CHN2: variants seen among roughly 807,000 people sequenced by gnomAD.
CHN2 encodes beta-chimaerin.
A neutral mutation model predicts 56.3 loss-of-function variants in CHN2; 35 were observed. The ratio of observed to expected loss-of-function variants is 0.62; its 90% CI spans 0.47 to 0.82. The LOEUF (loss-of-function observed/expected upper bound fraction) is 0.82, where lower values mean the gene tolerates loss of function less well. Ranked by LOEUF, CHN2 falls within the 40% of genes least tolerant of loss-of-function variation. CHN2 has a pLI of 0.00. For synonymous variants in CHN2, 210 were observed against 212.8 expected, an observed-to-expected ratio of 0.99 and a Z score of 0.12; for missense variants, 491 against 580.5, an observed-to-expected ratio of 0.85 and a Z score of 1.58.
At chr7:29,474,102 T>C (rs998503146) in intron 6 of CHN2, among the ~76,000 whole-genome samples, 5 of 152,232 alleles carry the variant, frequency 3.3e-5, no homozygotes, top group African/African-American at 9.6e-5. Context: ...TTTCTTCTGA[T>C]ATTTTCTGTG....
At position 29,461,856 on chromosome 7, in the gene CHN2, ATGG is replaced by A. The variant is rs1230689310; in HGVS notation, c.577-18422_577-18420del. Among the ~76,000 whole-genome samples, 1,298 of 152,114 alleles carry A rather than the reference ATGG, an allele frequency of 8.5e-3. 20 individuals are homozygous for A. The highest frequency in any genetic ancestry group is 0.03 in the African/African-American group (1,231 of 41,496). On this transcript the variant is annotated intron_variant, in intron 6 of 12. Transcript: ENST00000222792. Reference sequence around the variant, plus strand: ...GATGGATGGATGGATGGATGGATGGATGGATGGATGGATGGAAGGAAGAGAGAG... The same window carrying A: ...GATGGATGGATGGATGGATGGATGGAATGGATGGATGGAAGGAAGAGAGAG...
intron 1 of CHN2, among the ~76,000 whole-genome samples, chr7:29,317,468 C>CT (rs5883204): frequency 0.056 from 8,572 of 152,110 alleles, 327 homozygotes; most frequent in East Asian, 0.2. Flanking sequence ...ATCCTGGGGA[C>CT]TTAATAGAGA....
chr7:29,290,514 A>T (rs1258831251), intron 1 of CHN2, among the ~76,000 whole-genome samples: 4 of 152,200 alleles, frequency 2.6e-5, no homozygotes, highest in African/African-American at 9.7e-5. Context: ...ACACAGCCAC[A>T]TATCTAGAAA....
intron 4 of CHN2, among the ~76,000 whole-genome samples, chr7:29,396,039 A>G (rs1300533707): frequency 6.6e-6 from 1 of 152,202 alleles, no homozygotes; most frequent in Non-Finnish European, 1.5e-5. Context: ...TTATGTATCA[A>G]AATATCACAT....
intron 7 of CHN2, among the ~76,000 whole-genome samples, chr7:29,485,301 T>C (rs886464399): frequency 2.9e-4 from 43 of 146,136 alleles, no homozygotes; most frequent in African/African-American, 9.8e-4. Context: ...TATGAGGTTC[T>C]TGTTAAAAAA....
At chr7:29,190,048 G>A (rs544622380), upstream of CHN2, among the ~76,000 whole-genome samples, 8 of 152,366 alleles carry the variant, frequency 5.3e-5, no homozygotes, top group South Asian at 1.2e-3. Context: ...ATCCTGGGCC[G>A]TCTGTGCACC....
chr7:29,355,550 G>A (rs1022936890), intron 2 of CHN2, among the ~76,000 whole-genome samples: 1 of 151,906 alleles, frequency 6.6e-6, no homozygotes, highest in Non-Finnish European at 1.5e-5. Flanking sequence ...CTTGACTCAG[G>A]AACTCCCCAG....
chr7:29,345,223 C>T lies in CHN2; in HGVS notation c.50-9402C>T, dbSNP rs563490896. ...GCTTTTTCTAATTCACAAAAAGTAC[C>T]CAACAGGCTAAGGCTGACCCACACA... On this transcript the variant is annotated intron_variant, in intron 1 of 12. Transcript: ENST00000222792. Among the ~76,000 whole-genome samples the T allele has an allele frequency of 4.3e-4, 66 of 152,272 alleles. No homozygotes were observed. The South Asian group carries it at 7.0e-3, about 16-fold the overall frequency.
chr7:29,277,914 A>G (rs1423878763), intron 1 of CHN2, among the ~76,000 whole-genome samples: 1 of 152,148 alleles, frequency 6.6e-6, no homozygotes, highest in Non-Finnish European at 1.5e-5. Flanking sequence ...CAGCCCCTCA[A>G]TGACCTTGTA....
At chr7:29,414,581 A>G (rs1277160458) in intron 6 of CHN2, among the ~76,000 whole-genome samples, 2 of 152,140 alleles carry the variant, frequency 1.3e-5, no homozygotes, top group Non-Finnish European at 2.9e-5. Context: ...AGCCTCTTCA[A>G]GAGCTCCTGG....
At chr7:29,240,782 TTTCTTCTTCTTCTTCCTC>T (rs1332750576) in intron 1 of CHN2, among the ~76,000 whole-genome samples, 2 of 148,822 alleles carry the variant, frequency 1.3e-5, no homozygotes, top group Non-Finnish European at 3.0e-5. Flanking sequence ...TCTTCTTCTT[TTTCTTCTTCTTCTTCCTC>T]TTCTTCTTCT....
chr7:29,222,887 C>A (rs1785913976), intron 1 of CHN2, among the ~76,000 whole-genome samples: 1 of 152,032 alleles, frequency 6.6e-6, no homozygotes, highest in Non-Finnish European at 1.5e-5. Context: ...ATGATATTGG[C>A]TCAAGGATAC....
intron 1 of CHN2, among the ~76,000 whole-genome samples, chr7:29,341,021 C>T (rs1035050567): frequency 6.6e-6 from 1 of 152,120 alleles, no homozygotes; most frequent in African/African-American, 2.4e-5. Context: ...TGTCTAGCCC[C>T]GTCTCTATAT....
Position 29,195,387 on chromosome 7 carries a change from G to A in CHN2, c.49+397G>A, listed in dbSNP as rs543132205. Reference sequence around the variant, plus strand: ...TTGCCGTGCCGCGCCCGCTACCCTGGACACCCAAATCCGGAGCAGAGGGGA... The same window carrying A: ...TTGCCGTGCCGCGCCCGCTACCCTGAACACCCAAATCCGGAGCAGAGGGGA... On this transcript the variant is annotated intron_variant, in intron 1 of 12. Transcript: ENST00000222792. 6.3e-3 allele frequency: 1,391 copies of A among 219,934 alleles called. 12 individuals are homozygous for A. The highest frequency in any genetic ancestry group is 0.03 in the African/African-American group (1,301 of 43,542). The allele number at this position is 219,934 out of a possible 1,614,324, so 13.6% of individuals were successfully genotyped here. A position where few individuals can be genotyped will look rare whatever the true frequency, so the allele number is the denominator to read the frequency against.
At chr7:29,454,235 A>C (rs1157120539) in intron 6 of CHN2, among the ~76,000 whole-genome samples, 1 of 152,180 alleles carries the variant, frequency 6.6e-6, no homozygotes, top group Non-Finnish European at 1.5e-5. Context: ...GGGAGCAGAG[A>C]TGTGGGACTT....
At chr7:29,455,836 C>A (rs1784711050) in intron 6 of CHN2, among the ~76,000 whole-genome samples, 1 of 152,178 alleles carries the variant, frequency 6.6e-6, no homozygotes, top group Non-Finnish European at 1.5e-5. Context: ...GCTCCTCTGG[C>A]CGTGTGGTGG....
intron 1 of CHN2, among the ~76,000 whole-genome samples, chr7:29,354,252 G>T (rs1229750344): frequency 1.3e-5 from 2 of 152,206 alleles, no homozygotes; most frequent in African/African-American, 4.8e-5. Context: ...TGGGCTAAAG[G>T]TCTGATTGGA....
chr7:29,497,000 C>T (rs1789369902), intron 8 of CHN2, among the ~76,000 whole-genome samples: 1 of 152,092 alleles, frequency 6.6e-6, no homozygotes, highest in East Asian at 1.9e-4. Flanking sequence ...GTGATCTTTC[C>T]CATTTTGGCT....
At chr7:29,506,960 T>C (rs1044897724) in intron 10 of CHN2, among the ~76,000 whole-genome samples, 14 of 152,166 alleles carry the variant, frequency 9.2e-5, no homozygotes, top group African/African-American at 3.4e-4. Context: ...TAAATTTCTA[T>C]TTAGCAAATT....
Sources: allele counts gnomAD v4.1 joint callset (sites outside exome capture counted in the v4.1 genomes callset), GRCh38; gene constraint gnomAD v4.1.1; transcripts MANE v1.5; gene names NCBI Gene and HGNC (gene_info 2026-07-23, HGNC 2026-07-21).